The following GRID1 variants were observed in gnomAD, a reference collection of about 807,000 sequenced individuals.
The protein encoded by GRID1 is glutamate ionotropic receptor delta type subunit 1, also known as glutamate receptor ionotropic, delta-1.
Under a neutral mutation model 98.0 loss-of-function variants are expected in GRID1, and 28 were observed. The observed-to-expected ratio is 0.29, with a 90% confidence interval of 0.21 to 0.39. The LOEUF is 0.39. GRID1 is among the 10% of genes least tolerant of loss of function. GRID1 has a pLI of 1.00. For missense variants in GRID1, 1,111 were observed against 1,340.5 expected, an observed-to-expected ratio of 0.83 and a Z score of 2.67; for synonymous variants, 553 against 538.5, an observed-to-expected ratio of 1.03 and a Z score of -0.37.
chr10:86,089,202 T>C (rs753913688), intron 4 of GRID1, among the ~76,000 whole-genome samples: 1 of 152,152 alleles, frequency 6.6e-6, no homozygotes, highest in Non-Finnish European at 1.5e-5. Flanking sequence ...ACCGCCCCCC[T>C]ACATGGTGTC....
chr10:85,657,028 T>C (rs2132564528), intron 12 of GRID1, among the ~76,000 whole-genome samples: 1 of 152,260 alleles, frequency 6.6e-6, no homozygotes, highest in Admixed American at 6.5e-5. Flanking sequence ...ATACATCTGC[T>C]CTCGCCGTAC....
chr10:85,687,912 T>C (rs1460721051), intron 12 of GRID1, among the ~76,000 whole-genome samples: 1 of 152,060 alleles, frequency 6.6e-6, no homozygotes, highest in Admixed American at 6.6e-5. Flanking sequence ...GAAATGACTG[T>C]GTTTAAAAGT....
intron 4 of GRID1, among the ~76,000 whole-genome samples, chr10:86,072,116 AG>A (rs2131922004): frequency 6.6e-6 from 1 of 152,338 alleles, no homozygotes; most frequent in South Asian, 2.1e-4. Flanking sequence ...CTAAAGGAGC[AG>A]GACATTATTC....
intron 2 of GRID1, among the ~76,000 whole-genome samples, chr10:86,322,225 T>C (rs2132096186): frequency 6.6e-6 from 1 of 151,668 alleles, no homozygotes; most frequent in Non-Finnish European, 1.5e-5. Flanking sequence ...AACCCAGAGA[T>C]GGAAGGATAA....
intron 2 of GRID1, among the ~76,000 whole-genome samples, chr10:86,236,323 T>C (rs1182851640): frequency 1.3e-5 from 2 of 152,250 alleles, no homozygotes; most frequent in Admixed American, 6.5e-5. Flanking sequence ...TTTTTTCTCT[T>C]AGGCAATATT....
At chr10:86,182,652 C>T (rs1338430239) in intron 3 of GRID1, among the ~76,000 whole-genome samples, 1 of 152,228 alleles carries the variant, frequency 6.6e-6, no homozygotes, top group Non-Finnish European at 1.5e-5. Flanking sequence ...TTGCAATGCA[C>T]TTAGCTTCCT....
chr10:86,298,491 A>T (rs1468906534), intron 2 of GRID1, among the ~76,000 whole-genome samples: 2 of 150,618 alleles, frequency 1.3e-5, no homozygotes, highest in East Asian at 3.9e-4. Flanking sequence ...TGCACTCCAG[A>T]ACCCCTGTGC....
At chr10:85,954,558 G>T (rs186619335) in intron 4 of GRID1, among the ~76,000 whole-genome samples, 1 of 152,098 alleles carries the variant, frequency 6.6e-6, no homozygotes, top group African/African-American at 2.4e-5. Flanking sequence ...TTATAAAAGG[G>T]CCAAAGATAG....
intron 4 of GRID1, among the ~76,000 whole-genome samples, chr10:86,077,854 G>A (rs780194717): frequency 6.6e-6 from 1 of 152,250 alleles, no homozygotes; most frequent in Non-Finnish European, 1.5e-5. Context: ...ATGAAACAGG[G>A]CATGGACATT....
At chr10:86,027,175 AC>A (rs1429168886) in intron 4 of GRID1, among the ~76,000 whole-genome samples, 27 of 152,346 alleles carry the variant, frequency 1.8e-4, no homozygotes, top group Middle Eastern at 6.8e-3. Context: ...AGCATTTAAT[AC>A]ATCAACTGTG....
chr10:86,223,423 G>A (rs1762956552), intron 2 of GRID1, among the ~76,000 whole-genome samples: 1 of 152,252 alleles, frequency 6.6e-6, no homozygotes, highest in Non-Finnish European at 1.5e-5. Context: ...TGCCCTGCCT[G>A]GCACGCATGC....
At chr10:86,194,741 G>T (rs570533737) in intron 3 of GRID1, among the ~76,000 whole-genome samples, 10 of 152,136 alleles carry the variant, frequency 6.6e-5, no homozygotes, top group African/African-American at 2.4e-4. Flanking sequence ...CCTCTGCCCT[G>T]CTGGAACCCC....
intron 2 of GRID1, among the ~76,000 whole-genome samples, chr10:86,314,060 T>C (rs540961324): frequency 2.0e-5 from 3 of 152,182 alleles, no homozygotes; most frequent in East Asian, 3.9e-4. Flanking sequence ...TGCACTAAAA[T>C]TAGTTTTCGG....
chr10:86,194,910 AG>A (rs999905464), intron 3 of GRID1, among the ~76,000 whole-genome samples: 6 of 152,022 alleles, frequency 3.9e-5, no homozygotes, highest in African/African-American at 1.4e-4. Context: ...AGTTCCTGTC[AG>A]GGCAGGGACC....
intron 4 of GRID1, among the ~76,000 whole-genome samples, chr10:85,968,758 T>A (rs896613201): frequency 6.6e-6 from 1 of 151,992 alleles, no homozygotes; most frequent in African/African-American, 2.4e-5. Flanking sequence ...ATATATTGAA[T>A]GCAAAATAAA....
intron 4 of GRID1, among the ~76,000 whole-genome samples, chr10:86,129,718 C>T (rs529875766): frequency 6.6e-6 from 1 of 152,350 alleles, no homozygotes; most frequent in East Asian, 1.9e-4. Flanking sequence ...ACCCAGGAAG[C>T]TCATCTGCAC....
intron 4 of GRID1, among the ~76,000 whole-genome samples, chr10:86,054,359 CG>C (rs1432420779): frequency 2.0e-5 from 3 of 152,142 alleles, no homozygotes; most frequent in African/African-American, 7.2e-5. Flanking sequence ...CCAGCTGATG[CG>C]GTTGGTCTTT....
At chr10:85,959,546 C>G (rs183235052) in intron 4 of GRID1, among the ~76,000 whole-genome samples, 6 of 151,420 alleles carry the variant, frequency 4.0e-5, no homozygotes, top group South Asian at 2.1e-4. Context: ...CGCCCCCACC[C>G]GAGGCAACCA....
chr10:85,972,696 A>T (rs568203939), intron 4 of GRID1, among the ~76,000 whole-genome samples: 1 of 152,030 alleles, frequency 6.6e-6, no homozygotes, highest in South Asian at 2.1e-4. Flanking sequence ...TTCAGTATGG[A>T]AGATAGCACT....
Sources: allele counts gnomAD v4.1 joint callset (sites outside exome capture counted in the v4.1 genomes callset), GRCh38; gene constraint gnomAD v4.1.1; transcripts MANE v1.5; gene names NCBI Gene and HGNC (gene_info 2026-07-23, HGNC 2026-07-21).